The following LTBP1 variants were observed in gnomAD, a reference collection of about 807,000 sequenced individuals.
LTBP1 encodes latent-transforming growth factor beta-binding protein 1.
A neutral mutation model predicts 207.6 loss-of-function variants in LTBP1; 129 were observed. The observed-to-expected ratio is 0.62, with a 90% CI of 0.54 to 0.72. LTBP1 has a LOEUF of 0.72. Among genes scored for constraint, LTBP1 ranks in the 30% least tolerant of loss-of-function variants. The pLI, the probability that LTBP1 is intolerant of heterozygous loss-of-function variation, is 0.00. For missense variants in LTBP1, 2,281 were observed against 2,217.2 expected, an observed-to-expected ratio of 1.03 and a Z score of -0.58; for synonymous variants, 963 against 833.7, an observed-to-expected ratio of 1.16 and a Z score of -2.67.
At chr2:33,181,964 T>A (rs1484122377) in intron 5 of LTBP1, among the ~76,000 whole-genome samples, 1 of 152,186 alleles carries the variant, frequency 6.6e-6, no homozygotes, top group Non-Finnish European at 1.5e-5. Flanking sequence ...TAACTGACTA[T>A]TAGGTATAAA....
At chr2:33,232,045 G>A (rs896796403) in intron 9 of LTBP1, among the ~76,000 whole-genome samples, 1 of 152,296 alleles carries the variant, frequency 6.6e-6, no homozygotes, top group East Asian at 1.9e-4. Context: ...GTATCACCAA[G>A]GAGTGAGGGT....
At chr2:33,121,373 G>A (rs13006194) in intron 4 of LTBP1, among the ~76,000 whole-genome samples, 3 of 152,104 alleles carry the variant, frequency 2.0e-5, no homozygotes, top group Admixed American at 6.5e-5. Context: ...AACAGATTTA[G>A]AAAGCTTTGG....
intron 4 of LTBP1, among the ~76,000 whole-genome samples, chr2:33,127,176 G>A (rs951677227): frequency 1.3e-5 from 2 of 152,204 alleles, no homozygotes; most frequent in African/African-American, 4.8e-5. Context: ...GACTCAGAAT[G>A]TGTGTTCAGA....
intron 12 of LTBP1, among the ~76,000 whole-genome samples, chr2:33,258,299 A>G (rs557190190): frequency 1.3e-5 from 2 of 152,290 alleles, no homozygotes; most frequent in African/African-American, 2.4e-5. Flanking sequence ...TATGGAATAG[A>G]CGTATTTTCT....
chr2:33,039,080 G>C (rs1490327764), intron 3 of LTBP1, among the ~76,000 whole-genome samples: 1 of 152,192 alleles, frequency 6.6e-6, no homozygotes, highest in East Asian at 1.9e-4. Flanking sequence ...GCAGTCTCTA[G>C]CTCTCACAAA....
chr2:33,197,021 G>A (rs749254638), intron 7 of LTBP1, among the ~76,000 whole-genome samples: 16 of 152,034 alleles, frequency 1.1e-4, no homozygotes, highest in Non-Finnish European at 2.1e-4. Flanking sequence ...CCAACCTGTA[G>A]GGAAAAAAAC....
intron 24 of LTBP1, among the ~76,000 whole-genome samples, chr2:33,328,852 T>C (rs779019419): frequency 5.3e-5 from 8 of 152,346 alleles, no homozygotes; most frequent in Non-Finnish European, 1.0e-4. Flanking sequence ...TGTCTTGTCA[T>C]GTGTAGTAGT....
At chr2:33,188,959 C>A (rs2087526663) in intron 7 of LTBP1, 108 bp downstream of exon 7, 1 of 1,278,378 alleles carries the variant, frequency 7.8e-7, no homozygotes, top group Non-Finnish European at 1.1e-6. Flanking sequence ...AAGGCTTTGA[C>A]AAACTATGAC....
At chr2:33,132,678 A>T (rs1222888360) in intron 4 of LTBP1, among the ~76,000 whole-genome samples, 2 of 152,182 alleles carry the variant, frequency 1.3e-5, no homozygotes, top group South Asian at 4.1e-4. Context: ...TTCAGACAAC[A>T]TGTCTTGATC....
chr2:33,312,426 T>G (rs147816698), intron 23 of LTBP1, among the ~76,000 whole-genome samples: 2 of 152,334 alleles, frequency 1.3e-5, no homozygotes, highest in East Asian at 3.9e-4. Context: ...GTTAATAGTC[T>G]CTTTAGAAAT....
chr2:33,067,436 C>G (rs1411453566), intron 3 of LTBP1, among the ~76,000 whole-genome samples: 1 of 152,188 alleles, frequency 6.6e-6, no homozygotes, highest in African/African-American at 2.4e-5. Flanking sequence ...AATGAGATCT[C>G]TGTTTGCATA....
intron 5 of LTBP1, among the ~76,000 whole-genome samples, chr2:33,155,864 C>T (rs1023581756): frequency 1.3e-5 from 2 of 152,124 alleles, no homozygotes; most frequent in South Asian, 2.1e-4. Context: ...TTTTTGATAA[C>T]GTTTTGTTAA....
rs150471811 is a variant in LTBP1, at chr2:33,098,313, C to G, written c.864-12269C>G. Among the ~76,000 whole-genome samples the G allele has an allele frequency of 3.4e-3, 514 of 152,264 alleles. 3 individuals are homozygous for G. The highest frequency in any genetic ancestry group is 0.012 in the African/African-American group (501 of 41,556). On this transcript the variant is annotated intron_variant, in intron 3 of 33. Coordinates refer to ENST00000404816, the MANE Select transcript of LTBP1 (RefSeq NM_206943.4). ...CTTTGTTTTATTTGCATTGAATCACCAATTTGTCTTGTTATCACTTTGTGG... is the reference window on the plus strand; with the variant it reads ...CTTTGTTTTATTTGCATTGAATCACGAATTTGTCTTGTTATCACTTTGTGG...
intron 5 of LTBP1, among the ~76,000 whole-genome samples, chr2:33,144,553 G>A (rs911916793): frequency 1.3e-5 from 2 of 152,110 alleles, no homozygotes; most frequent in Non-Finnish European, 2.9e-5. Context: ...TGAGTAGATG[G>A]GGGCATCTCC....
At position 33,214,173 on chromosome 2, in the gene LTBP1, A is replaced by C. The variant is rs17012677; in HGVS notation, c.1702-3379A>C. ...TGGTGTCTTACATAAATTTTATAAA[A>C]CTGGAAATAAACCCTAAGCATGCTT... On this transcript the variant is annotated intron_variant, in intron 7 of 33. Transcript: ENST00000404816. Among the ~76,000 whole-genome samples, 1,384 of 152,282 alleles carry C rather than the reference A, an allele frequency of 9.1e-3. 21 individuals carry two copies. Among genetic ancestry groups the C allele is most frequent in the African/African-American group, 0.032 (1,322 of 41,552 alleles).
intron 24 of LTBP1, among the ~76,000 whole-genome samples, chr2:33,325,960 T>G (rs1371812316): frequency 6.6e-6 from 1 of 152,180 alleles, no homozygotes; most frequent in Non-Finnish European, 1.5e-5. Context: ...TATAACACTG[T>G]CAGCCCATGG....
intron 3 of LTBP1, among the ~76,000 whole-genome samples, chr2:33,029,091 T>C (rs1417525028): frequency 6.6e-6 from 1 of 152,220 alleles, no homozygotes; most frequent in Non-Finnish European, 1.5e-5. Flanking sequence ...TCTAGAGTAG[T>C]GTGAGTAATT....
At chr2:32,984,797 G>A (rs1357699259) in intron 2 of LTBP1, among the ~76,000 whole-genome samples, 2 of 152,074 alleles carry the variant, frequency 1.3e-5, no homozygotes, top group Non-Finnish European at 2.9e-5. Context: ...TGGGCGTGGT[G>A]GCGCACGCCT....
At chr2:33,174,078 C>G (rs980383068) in intron 5 of LTBP1, among the ~76,000 whole-genome samples, 1 of 146,480 alleles carries the variant, frequency 6.8e-6, no homozygotes, top group African/African-American at 2.5e-5. Flanking sequence ...TGGAAGCATT[C>G]CCTTTGAAAA....
Sources: allele counts gnomAD v4.1 joint callset (sites outside exome capture counted in the v4.1 genomes callset), GRCh38; gene constraint gnomAD v4.1.1; transcripts MANE v1.5; gene names NCBI Gene and HGNC (gene_info 2026-07-23, HGNC 2026-07-21).